Variants in IDO1 observed in about 807,000 individuals in gnomAD.
IDO1 encodes indoleamine 2,3-dioxygenase 1, also known as indolamine 2,3 dioxygenase.
Under a neutral mutation model 38.8 loss-of-function variants are expected in IDO1, and 35 were observed. The observed-to-expected ratio is 0.90, with a 90% CI of 0.69 to 1.20. The LOEUF (loss-of-function observed/expected upper bound fraction) is 1.20. Ranked by LOEUF, IDO1 falls within the 50% of genes most tolerant of loss-of-function variation. The pLI, the probability that IDO1 is intolerant of heterozygous loss-of-function variation, is 0.00. For synonymous variants in IDO1, 171 were observed against 170.0 expected, an observed-to-expected ratio of 1.01 and a Z score of -0.05; for missense variants, 509 against 485.1, an observed-to-expected ratio of 1.05 and a Z score of -0.46.
Position 39,928,019 on chromosome 8 carries a change from T to C in IDO1, c.1046T>C (p.Ile349Thr). The change falls in exon 10 of 10, where the codon ATC becomes ACC. Residue 349 changes from isoleucine to threonine, a missense_variant. Physicochemically the swap from Ile to Thr is moderately conservative, Grantham distance 89. Coordinates refer to ENST00000518237, the MANE Select transcript of IDO1 (RefSeq NM_002164.6). Reference protein sequence around the residue: ...LVSLRSYHLQIVTKYILIPAS... With the variant: ...LVSLRSYHLQTVTKYILIPAS... ...TCCCTGAGGAGCTACCATCTGCAAA[T>C]CGTGACTAAGTACATCCTGATTCCT... 1.2e-6 allele frequency: 2 copies of C among 1,607,252 alleles called. No individual in the cohort carries two copies. Among genetic ancestry groups the C allele is most frequent in the Non-Finnish European group, 1.7e-6 (2 of 1,176,772 alleles).
At chr8:39,923,391 G>A (rs1178396475) in intron 6 of IDO1, 78 bp from the exon 7 acceptor site, 35 of 851,864 alleles carry the variant, frequency 4.1e-5, no homozygotes, top group Non-Finnish European at 5.7e-5. Flanking sequence ...ACAACTGAGC[G>A]AGACTCCGTC....
intron 4 of IDO1, 25 bp from the exon 5 acceptor site, chr8:39,920,075 A>ATT: frequency 6.2e-7 from 1 of 1,608,612 alleles, no homozygotes; most frequent in Non-Finnish European, 8.5e-7. Context: ...CAATTGGTCC[A>ATT]TTGCTTCATG....
intron 1 of IDO1, 116 bp downstream of exon 1, chr8:39,914,125 A>C (rs1807137720): frequency 4.4e-6 from 3 of 676,956 alleles, no homozygotes; most frequent in Non-Finnish European, 5.2e-6. Context: ...CAAACACATA[A>C]AGCTGTGTAA....
Position 39,918,075 on chromosome 8 carries a change from C to T in IDO1, c.184-13C>T, listed in dbSNP as rs1563414839. The T allele has an allele frequency of 1.2e-6, 2 of 1,613,756 alleles. No homozygotes were observed. The highest frequency in any genetic ancestry group is 1.1e-5 in the South Asian group (1 of 91,076). ...TGAGATTGATTTGAGTCAATTGCTC[C>T]ATTTGTTTTCAGTTAAACATGCTCA... is the stretch of plus-strand genomic sequence containing the variant. On this transcript the variant is annotated splice_polypyrimidine_tract_variant and intron_variant, in intron 2 of 9. Coordinates refer to ENST00000518237, the MANE Select transcript of IDO1 (RefSeq NM_002164.6).
intron 9 of IDO1, among the ~76,000 whole-genome samples, chr8:39,927,465 C>T (rs1807379391): frequency 6.6e-6 from 1 of 150,560 alleles, no homozygotes; most frequent in East Asian, 2.0e-4. Context: ...GAGGCTGAGG[C>T]AGGAGAATTG....
chr8:39,915,391 A>G (rs1351690719), intron 1 of IDO1, among the ~76,000 whole-genome samples: 1 of 152,222 alleles, frequency 6.6e-6, no homozygotes. Flanking sequence ...CACATACTAG[A>G]GAGCACCTTT....
At chr8:39,923,223 G>A (rs1028678273) in intron 6 of IDO1, among the ~76,000 whole-genome samples, 15 of 152,062 alleles carry the variant, frequency 9.9e-5, no homozygotes, top group African/African-American at 3.6e-4. Flanking sequence ...GGCCAACATG[G>A]CGAAACCCCG....
chr8:39,920,015 A>G (rs537015095), intron 4 of IDO1, 85 bp from the exon 5 acceptor site: 5 of 1,194,644 alleles, frequency 4.2e-6, no homozygotes, highest in Middle Eastern at 3.8e-4. Context: ...TCAATCAAAT[A>G]GCAACAACTC....
rs1239962036 is a variant in IDO1 at position 39,914,155 on chromosome 8, ACTG to A, written c.87+148_87+150del. 8 of 586,590 alleles carry A rather than the reference ACTG, an allele frequency of 1.4e-5. 1 individual carries two copies. Among genetic ancestry groups the A allele is most frequent in the Non-Finnish European group, 1.5e-5 (5 of 326,216 alleles). The allele number at this position is 586,590 out of a possible 1,614,324, so 36.3% of individuals were successfully genotyped here. Reference sequence around the variant, plus strand: ...GTGTAAAAATTAGAGAGCTGTAATAACTGCATCTCACTTAATTTGTCTTACATT... The same window carrying A: ...GTGTAAAAATTAGAGAGCTGTAATAACATCTCACTTAATTTGTCTTACATT... On this transcript the variant is annotated intron_variant, in intron 1 of 9. Transcript: ENST00000518237.
At chr8:39,918,259 T>C in intron 3 of IDO1, 52 bp downstream of exon 3, 3 of 1,577,750 alleles carry the variant, frequency 1.9e-6, no homozygotes, top group Non-Finnish European at 2.6e-6. Flanking sequence ...TTTCATCTAA[T>C]TTACATTTAA....
chr8:39,927,509 G>T (rs1213231497), intron 9 of IDO1, among the ~76,000 whole-genome samples: 2 of 149,580 alleles, frequency 1.3e-5, no homozygotes, highest in African/African-American at 5.0e-5. Flanking sequence ...GCGGCGAGCC[G>T]AGATCGTGCC....
intron 1 of IDO1, among the ~76,000 whole-genome samples, chr8:39,914,941 AT>A (rs898304682): frequency 3.3e-5 from 5 of 151,918 alleles, no homozygotes; most frequent in Non-Finnish European, 5.9e-5. Context: ...ACTTTTTTGT[AT>A]TTTTAGTAGA....
intron 1 of IDO1, 122 bp from the exon 2 acceptor site, chr8:39,917,753 G>C (rs1460547716): frequency 1.5e-6 from 1 of 652,190 alleles, no homozygotes; most frequent in Non-Finnish European, 2.7e-6. Flanking sequence ...TTTCCAGACA[G>C]GTAAGCCATA....
At position 39,918,140 on chromosome 8, in the gene IDO1, C is replaced by T. The variant is rs1415768057; in HGVS notation, c.236C>T (p.Ala79Val). The T allele has an allele frequency of 6.2e-7, 1 of 1,613,898 alleles. No individual in the cohort carries two copies. Among genetic ancestry groups the T allele is most frequent in the South Asian group, 1.1e-5 (1 of 91,086 alleles). The change falls in exon 3 of 10, where the codon GCA becomes GTA. Residue 79 changes from alanine (A) to valine (V), a missense_variant. Transcript: ENST00000518237. ...HLTDHKSQRLARLVLGCITMA... is the reference protein window; with the variant it reads ...HLTDHKSQRLVRLVLGCITMA... ...ACAGACCACAAGTCACAGCGCCTTG[C>T]ACGTCTAGTTCTGGGATGCATCACC... is the stretch of plus-strand genomic sequence containing the variant.
intron 7 of IDO1, among the ~76,000 whole-genome samples, chr8:39,924,226 T>G (rs1308469397): frequency 6.6e-6 from 1 of 152,006 alleles, no homozygotes; most frequent in Admixed American, 6.6e-5. Flanking sequence ...GGAGACTGAG[T>G]GCGGTGGCTC....
chr8:39,925,369 G>C lies in IDO1; in HGVS notation c.854G>C (p.Gly285Ala). The part of the protein sequence containing the change: ...VLLGIQQTAG[G>A]GHAAQFLQDM... ...CTGGGCATCCAGCAGACTGCTGGTG[G>C]AGGTGAGTGGAAAATAACAAGAAAT... Residue 285 changes from glycine to alanine, a missense_variant and splice_region_variant, in exon 9 of 10, where the codon GGA (glycine) becomes GCA (alanine). Physicochemically the swap from Gly to Ala is moderately conservative, Grantham distance 60. Transcript: ENST00000518237. 1 of 1,610,366 alleles carries C rather than the reference G, an allele frequency of 6.2e-7. No individual in the cohort carries two copies. Among genetic ancestry groups the C allele is most frequent in the Non-Finnish European group, 8.5e-7 (1 of 1,178,556 alleles).
At chr8:39,921,767 G>T (rs1224516919) in intron 5 of IDO1, among the ~76,000 whole-genome samples, 1 of 152,022 alleles carries the variant, frequency 6.6e-6, no homozygotes, top group African/African-American at 2.4e-5. Context: ...GAAAAACAGG[G>T]TCTAATCAGT....
chr8:39,917,714 G>A (rs1486498997), intron 1 of IDO1, among the ~76,000 whole-genome samples, 161 bp from the exon 2 acceptor site: 3 of 152,204 alleles, frequency 2.0e-5, no homozygotes, highest in Admixed American at 6.5e-5. Flanking sequence ...TCAGCCCTGC[G>A]TGTGCAGATG....
chr8:39,920,252 G>C, intron 5 of IDO1, 138 bp downstream of exon 5: 1 of 627,884 alleles, frequency 1.6e-6, no homozygotes, highest in East Asian at 2.7e-5. Flanking sequence ...ACTATTTAGA[G>C]AACAAATAAT....
Sources: gnomAD v4.1 joint callset for allele counts (sites outside exome capture counted in the v4.1 genomes callset) on GRCh38, gnomAD v4.1.1 for gene constraint, MANE v1.5 for transcripts, NCBI Gene and HGNC (gene_info 2026-07-23, HGNC 2026-07-21) for gene names.